Variants in EPB41L4A observed in about 807,000 individuals in gnomAD.
EPB41L4A encodes erythrocyte membrane protein band 4.1 like 4A, also known as band 4.1-like protein 4A.
Under a neutral mutation model 108.6 loss-of-function variants are expected in EPB41L4A, and 100 were observed. That is an observed-to-expected ratio of 0.92 (90% CI 0.78 to 1.09). The LOEUF is 1.09. EPB41L4A is among the 50% of genes least tolerant of loss of function. The probability of loss-of-function intolerance (pLI) is 0.00; values close to 1 mark genes in which losing one functional copy is unlikely to be tolerated. For synonymous variants in EPB41L4A, 319 were observed against 289.0 expected, an observed-to-expected ratio of 1.10 and a Z score of -1.05; for missense variants, 1,030 against 842.7, an observed-to-expected ratio of 1.22 and a Z score of -2.75.
intron 2 of EPB41L4A, among the ~76,000 whole-genome samples, chr5:112,301,072 C>CCTT (rs1754322992): frequency 6.6e-6 from 1 of 151,638 alleles, no homozygotes; most frequent in African/African-American, 2.4e-5. Flanking sequence ...TTTTTGATTT[C>CCTT]CTTAAATTGG....
rs1309665122 is a variant in EPB41L4A, at chr5:112,169,061, C to CGTG, written c.1781_1783dup (p.Pro594dup). The CGTG allele has an allele frequency of 6.2e-7, 1 of 1,614,022 alleles. No homozygotes were observed. The highest frequency in any genetic ancestry group is 2.2e-5 in the East Asian group (1 of 44,876). ...GGACCTGCGATACTGGCGGTAACTT[C>CGTG]GTGGCGAATGAGAATGCCTGATGCG... is the stretch of plus-strand genomic sequence containing the variant. On this transcript the variant is annotated inframe_insertion, in exon 21 of 23. Transcript: ENST00000261486.
intron 1 of EPB41L4A, among the ~76,000 whole-genome samples, chr5:112,410,485 G>A (rs1762344059): frequency 6.6e-6 from 1 of 152,106 alleles, no homozygotes; most frequent in South Asian, 2.1e-4. Flanking sequence ...TGAAAACAGG[G>A]GAAAAGAAAC....
chr5:112,399,698 G>A (rs1257052370), intron 1 of EPB41L4A, among the ~76,000 whole-genome samples: 3 of 152,128 alleles, frequency 2.0e-5, no homozygotes, highest in Non-Finnish European at 2.9e-5. Context: ...GTTCTTCTCT[G>A]CTTTGACCTA....
chr5:112,400,880 G>A (rs921294685), intron 1 of EPB41L4A, among the ~76,000 whole-genome samples: 8 of 151,932 alleles, frequency 5.3e-5, no homozygotes, highest in African/African-American at 1.9e-4. Context: ...AAAATATCTT[G>A]AGTGCAAGTA....
chr5:112,228,463 T>C (rs924950726), intron 12 of EPB41L4A: 1 of 153,548 alleles, frequency 6.5e-6, no homozygotes, highest in Non-Finnish European at 1.4e-5. Flanking sequence ...AGAATGGGAA[T>C]GCCAAAAATG....
intron 1 of EPB41L4A, among the ~76,000 whole-genome samples, chr5:112,319,853 C>T (rs927701058): frequency 1.3e-5 from 2 of 152,068 alleles, no homozygotes; most frequent in African/African-American, 4.8e-5. Flanking sequence ...AATAGTTCTG[C>T]CATGATGATG....
rs914810154 is a variant in EPB41L4A, at chr5:112,231,094, C to T, written c.1087+3540G>A. ...TCATGAATGCTTAAAGATATCACTA[C>T]AAGAATATTCACTTTAGAGCTATTT... On this transcript the variant is annotated intron_variant, in intron 12 of 22. Transcript: ENST00000261486. 4.6e-5 allele frequency among the ~76,000 whole-genome samples: 7 copies of T among 152,176 alleles called. No individual in the cohort carries two copies. In the South Asian group the frequency reaches 6.2e-4, roughly 14 times the overall value.
In EPB41L4A at chr5:112,236,208, A is replaced by C. The variant is rs137950630; in HGVS notation, c.966-1453T>G. 3.9e-4 allele frequency among the ~76,000 whole-genome samples: 59 copies of C among 152,268 alleles called. 1 individual carries two copies. The East Asian group carries it at 0.011, about 27-fold the overall frequency. ...CTAGGAACAAAAGAGAAATGAGAAA[A>C]TCATATCCTAAGATTAATAAGACCA... is the stretch of plus-strand genomic sequence containing the variant. On this transcript the variant is annotated intron_variant, in intron 11 of 22. Transcript: ENST00000261486.
chr5:112,391,350 C>G (rs1760924150), intron 1 of EPB41L4A, among the ~76,000 whole-genome samples: 1 of 152,004 alleles, frequency 6.6e-6, no homozygotes, highest in African/African-American at 2.4e-5. Context: ...AGATGAATGG[C>G]TAACAAGAAT....
chr5:112,411,048 G>C (rs1359932102), intron 1 of EPB41L4A, among the ~76,000 whole-genome samples: 1 of 152,150 alleles, frequency 6.6e-6, no homozygotes, highest in Non-Finnish European at 1.5e-5. Context: ...TCATGTTCAA[G>C]TAGTTTGCAA....
intron 1 of EPB41L4A, among the ~76,000 whole-genome samples, chr5:112,391,925 A>C (rs925690058): frequency 5.3e-5 from 8 of 152,356 alleles, no homozygotes; most frequent in African/African-American, 1.9e-4. Flanking sequence ...AGTATTCAAC[A>C]TTCTTAAAGA....
intron 12 of EPB41L4A, among the ~76,000 whole-genome samples, chr5:112,233,439 C>T (rs1468825234): frequency 2.6e-5 from 4 of 152,008 alleles, no homozygotes; most frequent in Non-Finnish European, 5.9e-5. Flanking sequence ...ATGTATATGT[C>T]CATAAGTATG....
In EPB41L4A at chr5:112,405,598, A is replaced by G. The variant is rs118031472; in HGVS notation, c.99+13343T>C. Among the ~76,000 whole-genome samples the G allele has an allele frequency of 4.3e-4, 65 of 152,334 alleles. No individual in the cohort carries two copies. In the East Asian group the frequency reaches 0.012, roughly 29 times the overall value. On this transcript the variant is annotated intron_variant, in intron 1 of 22. Coordinates refer to ENST00000261486, the MANE Select transcript of EPB41L4A (RefSeq NM_022140.5). Reference sequence around the variant, plus strand: ...TGATTGGGGATGCTATATAATACATACATTACATTACCACCCTAGAATCTG... The same window carrying G: ...TGATTGGGGATGCTATATAATACATGCATTACATTACCACCCTAGAATCTG...
At chr5:112,326,921 T>C (rs1343609525) in intron 1 of EPB41L4A, among the ~76,000 whole-genome samples, 1 of 152,158 alleles carries the variant, frequency 6.6e-6, no homozygotes, top group Non-Finnish European at 1.5e-5. Flanking sequence ...ATTAAAAAAA[T>C]ATTCACTGAT....
At chr5:112,213,325 A>T (rs1347764281) in intron 12 of EPB41L4A, among the ~76,000 whole-genome samples, 1 of 150,506 alleles carries the variant, frequency 6.6e-6, no homozygotes, top group Non-Finnish European at 1.5e-5. Context: ...TCTACTGTTC[A>T]CTGTTAACAT....
intron 15 of EPB41L4A, among the ~76,000 whole-genome samples, chr5:112,200,181 A>G (rs1034334409): frequency 4.6e-5 from 7 of 152,084 alleles, no homozygotes; most frequent in African/African-American, 1.4e-4. Context: ...TTCCATTCCC[A>G]ATGCTTTTGC....
intron 12 of EPB41L4A, among the ~76,000 whole-genome samples, chr5:112,231,328 T>C (rs1035441006): frequency 6.6e-6 from 1 of 152,184 alleles, no homozygotes; most frequent in Non-Finnish European, 1.5e-5. Flanking sequence ...AGATATACAA[T>C]TGACCAAAAG....
intron 2 of EPB41L4A, among the ~76,000 whole-genome samples, chr5:112,296,841 G>C (rs1431547094): frequency 6.6e-6 from 1 of 151,814 alleles, no homozygotes; most frequent in African/African-American, 2.4e-5. Flanking sequence ...CCCCACTTAC[G>C]AGTGAGAACA....
chr5:112,195,431 T>C (rs1761915829), intron 16 of EPB41L4A, among the ~76,000 whole-genome samples: 1 of 151,516 alleles, frequency 6.6e-6, no homozygotes, highest in South Asian at 2.1e-4. Flanking sequence ...TGGTTTATAA[T>C]ATGGCAACAG....
Sources: gnomAD v4.1 joint callset for allele counts (sites outside exome capture counted in the v4.1 genomes callset) on GRCh38, gnomAD v4.1.1 for gene constraint, MANE v1.5 for transcripts, NCBI Gene and HGNC (gene_info 2026-07-23, HGNC 2026-07-21) for gene names.